ACSL3: variants seen among roughly 807,000 people sequenced by gnomAD.
The protein encoded by ACSL3 is fatty acid CoA ligase Acsl3.
In ACSL3, 34 loss-of-function variants were observed where a neutral mutation model predicts 84.7. That is an observed-to-expected ratio of 0.40 (90% CI 0.31 to 0.53). The LOEUF (loss-of-function observed/expected upper bound fraction) is 0.53, where lower values mean the gene tolerates loss of function less well. ACSL3 is among the 20% of genes least tolerant of loss of function. The probability of loss-of-function intolerance (pLI) is 0.48; values close to 1 mark genes in which losing one functional copy is unlikely to be tolerated. For synonymous variants in ACSL3, 315 were observed against 299.4 expected (o/e 1.05, Z -0.54); for missense variants, 680 against 873.1 (o/e 0.78, Z 2.79).
rs1697308674 is a variant in ACSL3 at position 222,941,490 on chromosome 2, ATCT to A, written c.2006-5_2006-3del. ...TTTCTTCTTTTCTTTTTTTTTAATCATCTTAGCAAGTCTGGAAAAGTTTGAAAT... is the reference window on the plus strand; with the variant it reads ...TTTCTTCTTTTCTTTTTTTTTAATCATAGCAAGTCTGGAAAAGTTTGAAAT... On this transcript the variant is annotated splice_region_variant and splice_polypyrimidine_tract_variant and intron_variant, in intron 16 of 16. Transcript: ENST00000357430. 6.4e-7 allele frequency: 1 copy of A among 1,566,808 alleles called. No homozygotes were observed. Among genetic ancestry groups the A allele is most frequent in the Non-Finnish European group, 8.6e-7 (1 of 1,162,332 alleles).
chr2:222,914,553 C>T (rs1465475103), intron 4 of ACSL3, among the ~76,000 whole-genome samples: 1 of 152,140 alleles, frequency 6.6e-6, no homozygotes, highest in Non-Finnish European at 1.5e-5. Context: ...TGAGCCAGTG[C>T]ACCTGCCCAG....
chr2:222,913,921 A>C (rs1696506628), intron 4 of ACSL3, among the ~76,000 whole-genome samples: 1 of 152,202 alleles, frequency 6.6e-6, no homozygotes, highest in Non-Finnish European at 1.5e-5. Context: ...TGTCCTTAGC[A>C]TGTAGTAAGC....
chr2:222,864,547 T>A (rs547001425), intron 1 of ACSL3, among the ~76,000 whole-genome samples: 2 of 151,950 alleles, frequency 1.3e-5, no homozygotes, highest in Non-Finnish European at 2.9e-5. Context: ...AGAGAAGAAT[T>A]GAGAACCATC....
intron 2 of ACSL3, among the ~76,000 whole-genome samples, chr2:222,899,427 A>G (rs1281515483): frequency 6.6e-6 from 1 of 152,190 alleles, no homozygotes; most frequent in Non-Finnish European, 1.5e-5. Context: ...GTGAGCCGAG[A>G]TCGCATCACT....
chr2:222,907,757 A>T (rs1252565391), intron 3 of ACSL3, among the ~76,000 whole-genome samples: 34 of 42,180 alleles, frequency 8.1e-4, no homozygotes, highest in African/African-American at 2.3e-3. Flanking sequence ...TCCTGTCTTT[A>T]AAAAAAAAAA....
chr2:222,921,248 G>A, intron 7 of ACSL3, 32 bp from the exon 8 acceptor site: 1 of 1,584,248 alleles, frequency 6.3e-7, no homozygotes, highest in Non-Finnish European at 8.6e-7. Context: ...TCTCATGAAA[G>A]TGTATGTGTG....
At chr2:222,916,237 C>A in intron 4 of ACSL3, 82 bp from the exon 5 acceptor site, 1 of 912,586 alleles carries the variant, frequency 1.1e-6, no homozygotes. Flanking sequence ...TCTGGTTCAT[C>A]ATAACATTTG....
At chr2:222,932,448 C>T (rs146872605) in intron 14 of ACSL3, among the ~76,000 whole-genome samples, 47,661 of 152,100 alleles carry the variant, frequency 0.31, 7,724 homozygotes, top group Admixed American at 0.41. Context: ...CCTGCCTCAG[C>T]CTCCTGAGTA....
At chr2:222,898,011 C>T (rs1010121778) in intron 2 of ACSL3, among the ~76,000 whole-genome samples, 1 of 151,952 alleles carries the variant, frequency 6.6e-6, no homozygotes, top group Non-Finnish European at 1.5e-5. Flanking sequence ...CTTGAACCCT[C>T]TTCATTTGAG....
rs748611651 is a variant in ACSL3 at position 222,922,826 on chromosome 2, G to A, written c.1075G>A (p.Asp359Asn). 2 of 1,613,832 alleles carry A rather than the reference G, an allele frequency of 1.2e-6. No individual in the cohort carries two copies. Among genetic ancestry groups the A allele is most frequent in the African/African-American group, 2.7e-5 (2 of 75,006 alleles). The change falls in exon 9 of 17, where the codon GAT (aspartate) becomes AAT (asparagine). Residue 359 changes from aspartate (D) to asparagine (N), a missense_variant. This residue lies in a region of ACSL3 where 347 missense variants were observed against 525.7 expected (regional missense o/e 0.66). Coordinates refer to ENST00000357430, the MANE Select transcript of ACSL3 (RefSeq NM_004457.5). Reference sequence around the variant, plus strand: ...TTACTCTTCACCACAGACTTTAGCAGATCAGGTAAGTTCAGTGTCTGTGAC... The same window carrying A: ...TTACTCTTCACCACAGACTTTAGCAAATCAGGTAAGTTCAGTGTCTGTGAC... Reference protein sequence around the residue: ...IGYSSPQTLADQSSKIKKGSK... With the variant: ...IGYSSPQTLANQSSKIKKGSK...
At chr2:222,904,226 G>A (rs754880810) in intron 3 of ACSL3, among the ~76,000 whole-genome samples, 2 of 151,836 alleles carry the variant, frequency 1.3e-5, no homozygotes, top group Non-Finnish European at 2.9e-5. Context: ...AGCCGAGATC[G>A]CACCATTGCA....
chr2:222,927,110 C>G lies in ACSL3; in HGVS notation c.1386C>G (p.Phe462Leu). Residue 462 changes from phenylalanine (F) to leucine (L), a missense_variant, in exon 12 of 17, where the codon TTC becomes TTG. Physicochemically the swap from Phe to Leu is conservative, Grantham distance 22. Transcript: ENST00000357430. ...GAPLSATTQR[F>L]MNICFCCPVG... ...CACTTTCTGCAACCACGCAGCGATT[C>G]ATGAACATCTGTTTCTGCTGTCCTG... 1 of 1,614,154 alleles carries G rather than the reference C, an allele frequency of 6.2e-7. No homozygotes were observed. The highest frequency in any genetic ancestry group is 8.5e-7 in the Non-Finnish European group (1 of 1,180,012).
At chr2:222,890,699 T>C (rs1695824970) in intron 2 of ACSL3, among the ~76,000 whole-genome samples, 1 of 152,198 alleles carries the variant, frequency 6.6e-6, no homozygotes. Flanking sequence ...TGAGGTGCAG[T>C]GGCGCAATCT....
At position 222,935,877 on chromosome 2, in the gene ACSL3, A is replaced by G. The variant is rs77611375; in HGVS notation, c.2005+1190A>G. Among the ~76,000 whole-genome samples, 285 of 152,236 alleles carry G rather than the reference A, an allele frequency of 1.9e-3. 7 individuals carry two copies. In the East Asian group the frequency reaches 0.045, roughly 24 times the overall value. On this transcript the variant is annotated intron_variant, in intron 16 of 16. Transcript: ENST00000357430. Reference sequence around the variant, plus strand: ...TATTGCACAACTGATCTTTATAACTATTTCATCTTGCAAAACGGAGACACT... The same window carrying G: ...TATTGCACAACTGATCTTTATAACTGTTTCATCTTGCAAAACGGAGACACT...
chr2:222,919,345 A>G, intron 7 of ACSL3, 143 bp downstream of exon 7: 2 of 802,360 alleles, frequency 2.5e-6, no homozygotes, highest in Non-Finnish European at 3.7e-6. Context: ...CCCTCTAGGT[A>G]TACTTTCATC....
At position 222,909,078 on chromosome 2, in the gene ACSL3, A is replaced by G. The variant is rs748050128; in HGVS notation, c.306A>G (p.Lys102=). 1.7e-5 allele frequency: 28 copies of G among 1,610,296 alleles called. No homozygotes were observed. In the East Asian group the frequency reaches 6.2e-4, roughly 36 times the overall value. The part of the protein sequence containing the change: ...FTYAKNKFKN[K]RLLGTREVLN... The stretch of plus-strand genomic sequence containing the variant: ...ATGCAAAAAACAAATTTAAGAACAA[A>G]AGACTCTTGGGAACACGTGAAGTTT... The change falls in exon 4 of 17, where the codon AAA becomes AAG. Residue 102 remains lysine (K), a synonymous_variant. Transcript: ENST00000357430.
intron 3 of ACSL3, among the ~76,000 whole-genome samples, chr2:222,907,414 G>A (rs1696321390): frequency 6.6e-6 from 1 of 152,188 alleles, no homozygotes; most frequent in Admixed American, 6.5e-5. Context: ...CGTAGTCCTG[G>A]ATTTGGAGCT....
At chr2:222,938,118 A>C (rs1349144604) in intron 16 of ACSL3, among the ~76,000 whole-genome samples, 3 of 152,154 alleles carry the variant, frequency 2.0e-5, no homozygotes, top group African/African-American at 7.2e-5. Flanking sequence ...TTTATTGTGT[A>C]GTCATTAATA....
rs1697354141 is a variant in ACSL3 at position 222,942,860 on chromosome 2, G to T, written c.*1206G>T. 9.0e-6 allele frequency: 2 copies of T among 222,428 alleles called. No individual in the cohort carries two copies. The highest frequency in any genetic ancestry group is 2.2e-5 in the African/African-American group (1 of 44,778). The allele number at this position is 222,428 out of a possible 1,614,324, so 13.8% of individuals were successfully genotyped here. On this transcript the variant is annotated 3_prime_UTR_variant, in exon 17 of 17. Transcript: ENST00000357430. ...AGTTAAGATTTAATTCATAGGTTTT[G>T]ATGTCATTGTTGAAGTTATTTGTAA...
Sources: gnomAD v4.1 joint callset for allele counts (sites outside exome capture counted in the v4.1 genomes callset) on GRCh38, gnomAD v4.1.1 for gene constraint, gnomAD v4.1.1 regional missense constraint, MANE v1.5 for transcripts, NCBI Gene and HGNC (gene_info 2026-07-23, HGNC 2026-07-21) for gene names.